SPATA1: variants seen among roughly 807,000 people sequenced by gnomAD.
SPATA1 encodes the protein spermatogenesis-associated protein 1.
A neutral mutation model predicts 59.6 loss-of-function variants in SPATA1; 57 were observed. The ratio of observed to expected loss-of-function variants is 0.96; its 90% CI spans 0.77 to 1.19. The LOEUF is 1.19. Ranked by LOEUF, SPATA1 falls within the 50% of genes most tolerant of loss-of-function variation. The probability of loss-of-function intolerance (pLI) is 0.00; values close to 1 mark genes in which losing one functional copy is unlikely to be tolerated. For missense variants in SPATA1, 448 were observed against 480.7 expected, an observed-to-expected ratio of 0.93 and a Z score of 0.64; for synonymous variants, 147 against 163.9, an observed-to-expected ratio of 0.90 and a Z score of 0.79.
chr1:84,560,948 G>A (rs78038688), intron 4 of SPATA1, among the ~76,000 whole-genome samples: 1,963 of 152,282 alleles, frequency 0.013, 34 homozygotes, highest in African/African-American at 0.045. Flanking sequence ...GAGCTCTGAT[G>A]GAGAACACAA....
At chr1:84,515,966 T>C (rs1233718627) in intron 1 of SPATA1, among the ~76,000 whole-genome samples, 3 of 152,182 alleles carry the variant, frequency 2.0e-5, no homozygotes, top group African/African-American at 7.2e-5. Context: ...AAATGCTATA[T>C]ATTTAACCTT....
chr1:84,529,485 GA>G (rs1447046182), intron 6 of SPATA1, among the ~76,000 whole-genome samples: 5 of 149,862 alleles, frequency 3.3e-5, no homozygotes, highest in Admixed American at 2.7e-4. Flanking sequence ...GTACAAAAAT[GA>G]TAACAGATGC....
downstream of SPATA1, chr1:84,555,851 G>A (rs573584174): frequency 6.6e-6 from 1 of 152,322 alleles, no homozygotes; most frequent in African/African-American, 2.4e-5. Context: ...CAAAGTTAAG[G>A]GGAATCAATG....
intron 11 of SPATA1, 127 bp from the exon 12 acceptor site, chr1:84,550,305 T>C: frequency 2.2e-6 from 1 of 455,426 alleles, no homozygotes; most frequent in Admixed American, 4.4e-5. Context: ...TAGTTTACTT[T>C]ACGGAATAGG....
exon 6 of SPATA1, chr1:84,525,891 G>A (rs1243104064): frequency 1.9e-6 from 3 of 1,613,478 alleles, no homozygotes; most frequent in Admixed American, 3.3e-5. Flanking sequence ...GACCATTTAG[G>A]AAATGTTTAT....
intron 3 of SPATA1, among the ~76,000 whole-genome samples, chr1:84,521,556 C>T (rs1401372660): frequency 6.6e-6 from 1 of 152,118 alleles, no homozygotes; most frequent in Non-Finnish European, 1.5e-5. Flanking sequence ...GGTCTTTACT[C>T]ACATATTACC....
intron 8 of SPATA1, among the ~76,000 whole-genome samples, chr1:84,543,687 G>T (rs1255903394): frequency 6.6e-6 from 1 of 152,096 alleles, no homozygotes; most frequent in Non-Finnish European, 1.5e-5. Flanking sequence ...TTTGGATGGG[G>T]ACACAGATCC....
At chr1:84,544,107 T>A in intron 8 of SPATA1, 95 bp from the exon 9 acceptor site, 1 of 773,108 alleles carries the variant, frequency 1.3e-6, no homozygotes, top group Non-Finnish European at 2.2e-6. Context: ...GTAAAAAGAA[T>A]GCATTTCTGG....
chr1:84,512,322 TA>T (rs1311064405), intron 1 of SPATA1, among the ~76,000 whole-genome samples: 1 of 152,206 alleles, frequency 6.6e-6, no homozygotes, highest in Non-Finnish European at 1.5e-5. Context: ...CACTTACCAC[TA>T]AGAAACTCAC....
Position 84,525,702 on chromosome 1 carries a change from GA to G in SPATA1, c.272del (p.Lys91SerfsTer6). The stretch of plus-strand genomic sequence containing the variant: ...TCTCACTACTTATTTCTAGGTGAAG[GA>G]AAAGCAAGAATCAGAACTGAAACTC... On this transcript the variant is annotated frameshift_variant, in exon 5 of 13. Coordinates refer to ENST00000490879, the Ensembl canonical transcript of SPATA1. LOFTEE classifies it high-confidence loss of function. 1 of 1,584,340 alleles carries G rather than the reference GA, an allele frequency of 6.3e-7. No individual in the cohort carries two copies. Among genetic ancestry groups the G allele is most frequent in the Admixed American group, 2.0e-5 (1 of 50,398 alleles).
At chr1:84,512,687 C>CAGAT (rs1202713127) in intron 1 of SPATA1, among the ~76,000 whole-genome samples, 1 of 152,270 alleles carries the variant, frequency 6.6e-6, no homozygotes, top group East Asian at 1.9e-4. Context: ...TCAGAGATGG[C>CAGAT]AGATAGGTGA....
intron 6 of SPATA1, among the ~76,000 whole-genome samples, chr1:84,527,030 G>A (rs188995013): frequency 1.1e-4 from 16 of 152,076 alleles, no homozygotes; most frequent in Admixed American, 4.6e-4. Flanking sequence ...AGCATCTAAC[G>A]GGTGTCAAGT....
chr1:84,553,215 A>G (rs1684330471), exon 13 of SPATA1: 5 of 721,116 alleles, frequency 6.9e-6, no homozygotes, highest in Non-Finnish European at 1.1e-5. Flanking sequence ...GCAATGTTTT[A>G]TAAAAAGCAC....
chr1:84,549,324 T>C (rs772275621), intron 11 of SPATA1, among the ~76,000 whole-genome samples: 8 of 152,114 alleles, frequency 5.3e-5, no homozygotes, highest in Non-Finnish European at 1.2e-4. Context: ...CCCTTTATCC[T>C]AGGTAAGGGA....
intron 8 of SPATA1, among the ~76,000 whole-genome samples, chr1:84,535,353 C>G (rs180826512): frequency 5.4e-4 from 82 of 152,150 alleles, no homozygotes; most frequent in Non-Finnish European, 7.4e-5. Context: ...GTTTTAGAAT[C>G]AGCTTGTCAA....
chr1:84,511,241 A>T (rs1364393953), intron 1 of SPATA1, among the ~76,000 whole-genome samples: 1 of 152,212 alleles, frequency 6.6e-6, no homozygotes, highest in Non-Finnish European at 1.5e-5. Context: ...GTATGCCTGT[A>T]TCAAAATATT....
chr1:84,514,264 G>C (rs1682701855), intron 1 of SPATA1, among the ~76,000 whole-genome samples: 1 of 152,122 alleles, frequency 6.6e-6, no homozygotes, highest in African/African-American at 2.4e-5. Flanking sequence ...TTTCTAGCCA[G>C]CCCAGGATTT....
At chr1:84,562,304 G>C (rs1340291854) in intron 4 of SPATA1, among the ~76,000 whole-genome samples, 1 of 152,178 alleles carries the variant, frequency 6.6e-6, no homozygotes, top group African/African-American at 2.4e-5. Context: ...TATAAACACT[G>C]TTTAGGAAAG....
downstream of SPATA1, among the ~76,000 whole-genome samples, chr1:84,558,444 T>C (rs544953508): frequency 1.4e-3 from 215 of 151,160 alleles, 3 homozygotes; most frequent in East Asian, 0.02. Flanking sequence ...CGCCCGCCAC[T>C]ACGCCCGGCT....
Sources: gnomAD v4.1 joint callset for allele counts (sites outside exome capture counted in the v4.1 genomes callset) on GRCh38, gnomAD v4.1.1 for gene constraint, MANE v1.5 for transcripts, NCBI Gene and HGNC (gene_info 2026-07-23, HGNC 2026-07-21) for gene names.